The following TESK2 variants were observed in gnomAD, a reference collection of about 807,000 sequenced individuals.
TESK2 encodes dual specificity testis-specific protein kinase 2.
TESK2 carries 39 observed loss-of-function variants against 57.1 expected under a neutral mutation model. That is an observed-to-expected ratio of 0.68 (90% confidence interval 0.53 to 0.89). TESK2 has a LOEUF of 0.89. TESK2 is among the 40% of genes least tolerant of loss of function. The pLI is 0.00. For synonymous variants in TESK2, 249 were observed against 267.9 expected, an observed-to-expected ratio of 0.93 and a Z score of 0.69; for missense variants, 646 against 732.1, an observed-to-expected ratio of 0.88 and a Z score of 1.36.
intron 3 of TESK2, among the ~76,000 whole-genome samples, chr1:45,406,475 GTC>G (rs1403991860): frequency 2.0e-5 from 3 of 151,898 alleles, no homozygotes; most frequent in Admixed American, 2.0e-4. Flanking sequence ...GAGAGACCTT[GTC>G]TCTACAAAAA....
intron 4 of TESK2, among the ~76,000 whole-genome samples, chr1:45,359,330 C>T (rs987100881): frequency 6.6e-6 from 1 of 152,046 alleles, no homozygotes; most frequent in Non-Finnish European, 1.5e-5. Flanking sequence ...GAGGCCAAGG[C>T]GGGCAGATCA....
intron 4 of TESK2, among the ~76,000 whole-genome samples, chr1:45,361,569 T>TTTGTGTTTGA: frequency 6.6e-6 from 1 of 152,238 alleles, no homozygotes; most frequent in East Asian, 1.9e-4. Flanking sequence ...TTCCATTTCA[T>TTTGTGTTTGA]TTGTGTTTGA....
chr1:45,399,493 T>C (rs1649511807), intron 3 of TESK2, among the ~76,000 whole-genome samples: 1 of 152,152 alleles, frequency 6.6e-6, no homozygotes, highest in South Asian at 2.1e-4. Context: ...TTTTGTATTT[T>C]TAGTAGAGAT....
At chr1:45,413,577 T>TTTTC (rs925603978) in intron 3 of TESK2, among the ~76,000 whole-genome samples, 10 of 152,320 alleles carry the variant, frequency 6.6e-5, no homozygotes, top group South Asian at 2.1e-4. Flanking sequence ...TTCTTTTTCT[T>TTTTC]TTTCTTTCTT....
intron 1 of TESK2, among the ~76,000 whole-genome samples, chr1:45,460,019 C>T (rs779966660): frequency 2.6e-4 from 39 of 152,102 alleles, no homozygotes; most frequent in Non-Finnish European, 5.0e-4. Flanking sequence ...CTTGAGTTCA[C>T]ATGAACATAA....
At chr1:45,444,438 A>G (rs938455936) in intron 2 of TESK2, among the ~76,000 whole-genome samples, 1 of 152,162 alleles carries the variant, frequency 6.6e-6, no homozygotes, top group Non-Finnish European at 1.5e-5. Flanking sequence ...GCTTTCTTCT[A>G]TTTTGTAATA....
At chr1:45,383,975 G>C (rs1022215622) in intron 4 of TESK2, among the ~76,000 whole-genome samples, 2 of 152,090 alleles carry the variant, frequency 1.3e-5, no homozygotes, top group African/African-American at 4.8e-5. Flanking sequence ...AGCGGTATAG[G>C]ACTAAGTACA....
At chr1:45,390,578 G>GTT (rs35041752) in intron 3 of TESK2, among the ~76,000 whole-genome samples, 6 of 143,740 alleles carry the variant, frequency 4.2e-5, no homozygotes, top group African/African-American at 1.3e-4. Context: ...TGTTTCTAAG[G>GTT]TTTTTTTTTT....
At position 45,379,911 on chromosome 1, in the gene TESK2, C is replaced by A. The variant is rs547966204; in HGVS notation, c.393+6001G>T. 1.1e-4 allele frequency among the ~76,000 whole-genome samples: 16 copies of A among 151,788 alleles called. No homozygotes were observed. The South Asian group carries it at 2.3e-3, about 22-fold the overall frequency. ...TTTTTTTTTAAATTTTTTTTTTAGG[C>A]AGAGTCTCGCTCTGTTGCCTAGAGC... is the stretch of plus-strand genomic sequence containing the variant. On this transcript the variant is annotated intron_variant, in intron 4 of 10. Coordinates refer to ENST00000372086, the MANE Select transcript of TESK2 (RefSeq NM_007170.3).
intron 1 of TESK2, among the ~76,000 whole-genome samples, chr1:45,465,171 G>A (rs1652494231): frequency 6.6e-6 from 1 of 152,090 alleles, no homozygotes; most frequent in Non-Finnish European, 1.5e-5. Context: ...AGGAGGCGAA[G>A]GTTGCAATGA....
chr1:45,421,934 T>C (rs1431031943), intron 2 of TESK2, 88 bp from the exon 3 acceptor site: 1 of 1,433,848 alleles, frequency 7.0e-7, no homozygotes, highest in Non-Finnish European at 9.5e-7. Context: ...TATGCCAAGA[T>C]ATTTTTGTGC....
intron 2 of TESK2, among the ~76,000 whole-genome samples, chr1:45,453,113 G>A (rs1311585943): frequency 1.3e-5 from 2 of 151,976 alleles, no homozygotes; most frequent in Non-Finnish European, 2.9e-5. Flanking sequence ...TTGGGAGGCA[G>A]AGGCAGGCTG....
chr1:45,424,820 T>C lies in TESK2; in HGVS notation c.223-2974A>G, dbSNP rs562558517. Among the ~76,000 whole-genome samples, 205 of 152,298 alleles carry C rather than the reference T, an allele frequency of 1.3e-3. 1 individual carries two copies. The highest frequency in any genetic ancestry group is 2.7e-3 in the Non-Finnish European group (183 of 68,018). On this transcript the variant is annotated intron_variant, in intron 2 of 10. Coordinates refer to ENST00000372086, the MANE Select transcript of TESK2 (RefSeq NM_007170.3). ...AACAGAATGAGGGACAAAAACCATATGATCATTTCAATTAATGCTGAAAAA... is the reference window on the plus strand; with the variant it reads ...AACAGAATGAGGGACAAAAACCATACGATCATTTCAATTAATGCTGAAAAA...
chr1:45,349,838 C>G (rs1359968920), intron 5 of TESK2, among the ~76,000 whole-genome samples: 1 of 152,218 alleles, frequency 6.6e-6, no homozygotes, highest in East Asian at 1.9e-4. Context: ...AGCAACTGGG[C>G]TTCTTTTAAA....
Position 45,386,262 on chromosome 1 carries a change from T to C in TESK2, c.345-302A>G, listed in dbSNP as rs371841768. On this transcript the variant is annotated intron_variant, in intron 3 of 10. Transcript: ENST00000372086. Reference sequence around the variant, plus strand: ...CAGGAGACTGAGGCAGGAGAATCCCTTGAACCTGGAAGGCAGAGGTTGCAG... The same window carrying C: ...CAGGAGACTGAGGCAGGAGAATCCCCTGAACCTGGAAGGCAGAGGTTGCAG... Among the ~76,000 whole-genome samples, 64 of 149,016 alleles carry C rather than the reference T, an allele frequency of 4.3e-4. No individual in the cohort carries two copies. In the East Asian group the frequency reaches 0.012, roughly 27 times the overall value.
intron 4 of TESK2, among the ~76,000 whole-genome samples, chr1:45,369,628 A>C (rs1391799930): frequency 6.6e-6 from 1 of 152,176 alleles, no homozygotes; most frequent in African/African-American, 2.4e-5. Context: ...GCGGGCAGAG[A>C]GGATGCGGCC....
intron 2 of TESK2, among the ~76,000 whole-genome samples, chr1:45,449,438 A>G (rs1398861921): frequency 6.6e-6 from 1 of 152,058 alleles, no homozygotes; most frequent in African/African-American, 2.4e-5. Context: ...AACATATTGA[A>G]GCAACCAAGA....
rs182878949 is a variant in TESK2, at chr1:45,481,131, C to T, written c.-87+9721G>A. On this transcript the variant is annotated intron_variant, in intron 1 of 10. Coordinates refer to ENST00000372086, the MANE Select transcript of TESK2 (RefSeq NM_007170.3). Reference sequence around the variant, plus strand: ...CTGTAATCCCAGCACTTTGGGAGGCCGAGGTGGGCGGATCACGAGGTCAGG... The same window carrying T: ...CTGTAATCCCAGCACTTTGGGAGGCTGAGGTGGGCGGATCACGAGGTCAGG... Among the ~76,000 whole-genome samples, 48 of 151,942 alleles carry T rather than the reference C, an allele frequency of 3.2e-4. No individual in the cohort carries two copies. The South Asian group carries it at 8.3e-3, about 26-fold the overall frequency.
intron 1 of TESK2, among the ~76,000 whole-genome samples, chr1:45,471,552 C>T (rs1292042145): frequency 2.0e-5 from 3 of 151,806 alleles, no homozygotes; most frequent in Admixed American, 6.6e-5. Flanking sequence ...ACTACAGGCA[C>T]GCACCACTAT....
Sources: allele counts gnomAD v4.1 joint callset (sites outside exome capture counted in the v4.1 genomes callset), GRCh38; gene constraint gnomAD v4.1.1; transcripts MANE v1.5; gene names NCBI Gene and HGNC (gene_info 2026-07-23, HGNC 2026-07-21).